The following TTC3 variants were observed in gnomAD, a reference collection of about 807,000 sequenced individuals.
TTC3 encodes tetratricopeptide repeat domain 3, also known as E3 ubiquitin-protein ligase TTC3.
In TTC3, 180 loss-of-function variants were observed where a neutral mutation model predicts 249.6. The ratio of observed to expected loss-of-function variants is 0.72; its 90% CI spans 0.64 to 0.82. TTC3 has a LOEUF of 0.82. TTC3 is among the 40% of genes least tolerant of loss of function. TTC3 has a pLI of 0.00. For missense variants in TTC3, 2,061 were observed against 2,398.4 expected, an observed-to-expected ratio of 0.86 and a Z score of 2.94; for synonymous variants, 717 against 805.0, an observed-to-expected ratio of 0.89 and a Z score of 1.85.
intron 16 of TTC3, among the ~76,000 whole-genome samples, chr21:37,129,663 C>T (rs193268296): frequency 6.6e-6 from 1 of 151,960 alleles, no homozygotes; most frequent in Non-Finnish European, 1.5e-5. Flanking sequence ...TAGGGTCTTG[C>T]TCTATCACTT....
intron 17 of TTC3, among the ~76,000 whole-genome samples, chr21:37,133,551 A>G (rs934135257): frequency 6.6e-5 from 10 of 152,204 alleles, no homozygotes; most frequent in African/African-American, 2.4e-4. Flanking sequence ...AATAAATATG[A>G]TCGCTGTTTT....
chr21:37,135,127 T>C (rs1257515506), intron 17 of TTC3, among the ~76,000 whole-genome samples: 2 of 152,202 alleles, frequency 1.3e-5, no homozygotes, highest in Non-Finnish European at 2.9e-5. Flanking sequence ...CTTAGTACCA[T>C]GTAGTGTAAA....
intron 13 of TTC3, among the ~76,000 whole-genome samples, chr21:37,123,893 C>T (rs1032844894): frequency 5.9e-5 from 9 of 151,462 alleles, no homozygotes; most frequent in African/African-American, 9.7e-5. Flanking sequence ...GGGCCACAGG[C>T]GGCTGCCACC....
At chr21:37,176,158 A>G (rs1238452697) in intron 35 of TTC3, among the ~76,000 whole-genome samples, 1 of 152,234 alleles carries the variant, frequency 6.6e-6, no homozygotes, top group Non-Finnish European at 1.5e-5. Flanking sequence ...CTGGCAGGTT[A>G]TAACTGGTTG....
At chr21:37,098,390 A>G (rs2074156570) in intron 10 of TTC3, 1 of 155,468 alleles carries the variant, frequency 6.4e-6, no homozygotes, top group Non-Finnish European at 1.4e-5. Context: ...TGAATGCTAG[A>G]CACACAAGGA....
chr21:37,163,917 AT>A (rs1167954959), intron 31 of TTC3, 133 bp from the exon 32 acceptor site: 15 of 935,318 alleles, frequency 1.6e-5, no homozygotes, highest in Admixed American at 3.4e-5. Context: ...CCCTGGTGCT[AT>A]TTTTTTGCAA....
Position 37,185,688 on chromosome 21 carries a change from G to A in TTC3, c.4758-18G>A. The A allele has an allele frequency of 6.7e-7, 1 of 1,494,916 alleles. No homozygotes were observed. The highest frequency in any genetic ancestry group is 8.9e-7 in the Non-Finnish European group (1 of 1,119,354). The allele number at this position is 1,494,916 out of a possible 1,614,324, so 92.6% of individuals were successfully genotyped here. On this transcript the variant is annotated intron_variant, in intron 36 of 45. Coordinates refer to ENST00000355666, the Ensembl canonical transcript of TTC3. ...ATTTTTCAAAATTAATTAATATTTG[G>A]TGATTATGCTTTTATAGGTATACCC...
chr21:37,094,239 C>T (rs2835597), intron 8 of TTC3, 149 bp downstream of exon 8: 227,809 of 478,970 alleles, frequency 0.48, 56,174 homozygotes, highest in Non-Finnish European at 0.51. Flanking sequence ...GATCAGAGTT[C>T]TCTAATGATT....
intron 7 of TTC3, among the ~76,000 whole-genome samples, chr21:37,092,190 T>C (rs189205234): frequency 6.6e-6 from 1 of 152,340 alleles, no homozygotes; most frequent in Non-Finnish European, 1.5e-5. Flanking sequence ...AGTATAGTTA[T>C]AGGAATCTTG....
At chr21:37,135,284 C>T (rs2077827708) in intron 17 of TTC3, 96 bp from the exon 18 acceptor site, 2 of 1,291,730 alleles carry the variant, frequency 1.5e-6, no homozygotes, top group East Asian at 2.5e-5. Context: ...AACATTTTAT[C>T]ATTAGTTATA....
intron 1 of TTC3, chr21:37,081,784 A>G (rs1013589648): frequency 6.6e-6 from 1 of 150,484 alleles, no homozygotes; most frequent in African/African-American, 2.4e-5. Context: ...TAGTTCACCA[A>G]TTTTCTCTTC....
exon 4 of TTC3, chr21:37,088,270 A>G: frequency 6.2e-7 from 1 of 1,613,728 alleles, no homozygotes; most frequent in South Asian, 1.1e-5. Context: ...CATTAAAATA[A>G]ACATCTTCTG....
chr21:37,108,157 G>A (rs1419198725), intron 10 of TTC3: 1 of 405,420 alleles, frequency 2.5e-6, no homozygotes, highest in East Asian at 4.4e-5. Flanking sequence ...AATATTAAAA[G>A]TAGTTATTCC....
In TTC3 at chr21:37,197,548, C is replaced by T. The variant is rs565606770; in HGVS notation, c.5580-22C>T. On this transcript the variant is annotated intron_variant, in intron 42 of 45. Coordinates refer to ENST00000355666, the Ensembl canonical transcript of TTC3. ...CAGTAGAGAACTTTCTGTTGTCATT[C>T]ATCACTCACTCTCCCTTTCAGCACT... The T allele has an allele frequency of 2.2e-5, 36 of 1,611,562 alleles. No individual in the cohort carries two copies. In the East Asian group the frequency reaches 5.8e-4, roughly 26 times the overall value.
At chr21:37,095,421 T>C (rs753233924) in exon 9 of TTC3, 6 of 1,603,920 alleles carry the variant, frequency 3.7e-6, no homozygotes, top group Non-Finnish European at 8.5e-7. Context: ...CTATTATCTA[T>C]TACACCAGAG....
At chr21:37,135,475 T>A (rs761638797) in exon 18 of TTC3, 2 of 1,614,092 alleles carry the variant, frequency 1.2e-6, no homozygotes, top group Admixed American at 3.3e-5. Context: ...CACAGGCCTT[T>A]ACAGAGTTGC....
rs762832812 is a variant in TTC3, at chr21:37,115,200, T to TAATAATAATAAC, written c.901-6615_901-6614insTAATAATAACAA. Among the ~76,000 whole-genome samples the TAATAATAATAAC allele has an allele frequency of 2.0e-4, 30 of 149,784 alleles. 1 individual carries two copies. The East Asian group carries it at 5.9e-3, about 29-fold the overall frequency. On this transcript the variant is annotated intron_variant, in intron 11 of 45. Coordinates refer to ENST00000355666, the Ensembl canonical transcript of TTC3. ...ATAATAATAATAATAATAATAATAATAAAGAAACTATTTCTATTTCCTAGT... is the reference window on the plus strand; with the variant it reads ...ATAATAATAATAATAATAATAATAATAATAATAATAACAAAGAAACTATTTCTATTTCCTAGT...
chr21:37,100,170 A>C (rs980699571), intron 10 of TTC3, among the ~76,000 whole-genome samples: 14 of 152,182 alleles, frequency 9.2e-5, no homozygotes, highest in Non-Finnish European at 1.8e-4. Context: ...GGTGGGTGTC[A>C]ACTGTAACAA....
rs1289032176 is a variant in TTC3 at position 37,150,011 on chromosome 21, T to C, written c.2119-67T>C. On this transcript the variant is annotated intron_variant, in intron 23 of 45. Transcript: ENST00000355666. ...ACTGTTCCTAGTGGTAAAAATAGTA[T>C]ACGTGTATAGATTTATCCCCCCTAG... The C allele has an allele frequency of 2.6e-6, 3 of 1,136,918 alleles. No homozygotes were observed. The East Asian group carries it at 7.2e-5, about 27-fold the overall frequency. 70.4% of individuals were successfully genotyped at this position (1,136,918 alleles called of 1,614,324 possible).
Sources: gnomAD v4.1 joint callset for allele counts (sites outside exome capture counted in the v4.1 genomes callset) on GRCh38, gnomAD v4.1.1 for gene constraint, MANE v1.5 for transcripts, NCBI Gene and HGNC (gene_info 2026-07-23, HGNC 2026-07-21) for gene names.